The following MSRA variants were observed in gnomAD, a reference collection of about 807,000 sequenced individuals.
The protein encoded by MSRA is mitochondrial peptide methionine sulfoxide reductase.
MSRA carries 54 observed loss-of-function variants against 31.3 expected under a neutral mutation model. That is an observed-to-expected ratio of 1.73 (90% CI 1.39 to 2.17). The LOEUF (loss-of-function observed/expected upper bound fraction) is 2.17. MSRA is among the 30% of genes most tolerant of loss of function. The probability of loss-of-function intolerance (pLI) is 0.00; values close to 1 mark genes in which losing one functional copy is unlikely to be tolerated. For missense variants in MSRA, 507 were observed against 300.9 expected, an observed-to-expected ratio of 1.69 and a Z score of -5.07; for synonymous variants, 169 against 116.5, an observed-to-expected ratio of 1.45 and a Z score of -2.90.
At chr8:10,099,542 G>A (rs895638517) in intron 1 of MSRA, among the ~76,000 whole-genome samples, 5 of 152,174 alleles carry the variant, frequency 3.3e-5, no homozygotes, top group South Asian at 2.1e-4. Flanking sequence ...GGTACACAAT[G>A]GCCACTTAAT....
intron 5 of MSRA, among the ~76,000 whole-genome samples, chr8:10,342,142 T>C (rs1453921349): frequency 1.3e-5 from 2 of 152,196 alleles, no homozygotes; most frequent in African/African-American, 4.8e-5. Context: ...CATTCTTAAG[T>C]TCTGTTCTTC....
chr8:10,362,952 A>C (rs924823228), intron 5 of MSRA, among the ~76,000 whole-genome samples: 2 of 152,128 alleles, frequency 1.3e-5, no homozygotes, highest in African/African-American at 4.8e-5. Flanking sequence ...CAACAGAAGG[A>C]CGTGCTGTTT....
At chr8:10,240,410 A>C (rs1232566839) in intron 2 of MSRA, among the ~76,000 whole-genome samples, 6 of 152,166 alleles carry the variant, frequency 3.9e-5, no homozygotes, top group African/African-American at 1.4e-4. Context: ...CGCAGGTACT[A>C]GGGTAGCCAG....
intron 5 of MSRA, among the ~76,000 whole-genome samples, chr8:10,425,683 G>A (rs1044554653): frequency 6.6e-6 from 1 of 152,226 alleles, no homozygotes; most frequent in Admixed American, 6.5e-5. Context: ...GGCCGGGAGC[G>A]AGGCCCGTCT....
At chr8:10,149,780 G>A (rs1803498825) in intron 1 of MSRA, among the ~76,000 whole-genome samples, 1 of 37,296 alleles carries the variant, frequency 2.7e-5, no homozygotes, top group African/African-American at 7.4e-5. Flanking sequence ...AACCACAAAG[G>A]TGGTATGGAA....
intron 4 of MSRA, among the ~76,000 whole-genome samples, chr8:10,311,416 G>C (rs1418048324): frequency 2.0e-5 from 3 of 152,082 alleles, no homozygotes; most frequent in African/African-American, 7.2e-5. Flanking sequence ...TAGAGGGAGT[G>C]ACCGACACAA....
chr8:10,198,949 G>A (rs1279690527), intron 1 of MSRA, among the ~76,000 whole-genome samples: 1 of 152,164 alleles, frequency 6.6e-6, no homozygotes, highest in South Asian at 2.1e-4. Flanking sequence ...CTGAAGCCTG[G>A]TCAGTGCTCG....
At chr8:10,268,252 T>C (rs977453060) in intron 3 of MSRA, among the ~76,000 whole-genome samples, 1 of 152,216 alleles carries the variant, frequency 6.6e-6, no homozygotes, top group African/African-American at 2.4e-5. Flanking sequence ...TTATTCACTT[T>C]TAAACAAAAT....
At chr8:10,137,912 G>A (rs1460347602) in intron 1 of MSRA, among the ~76,000 whole-genome samples, 7 of 152,194 alleles carry the variant, frequency 4.6e-5, no homozygotes, top group Admixed American at 1.3e-4. Flanking sequence ...AGAAGAGACC[G>A]CAAAGGCATT....
intron 1 of MSRA, among the ~76,000 whole-genome samples, chr8:10,129,193 T>C (rs928784693): frequency 2.0e-5 from 3 of 152,148 alleles, no homozygotes; most frequent in Non-Finnish European, 4.4e-5. Context: ...GAGTTTGCTG[T>C]AGGTTCTTTG....
intron 1 of MSRA, among the ~76,000 whole-genome samples, chr8:10,112,274 A>C (rs2129013876): frequency 6.6e-6 from 1 of 152,330 alleles, no homozygotes; most frequent in Non-Finnish European, 1.5e-5. Flanking sequence ...AAAGAGACTG[A>C]CCATCTTGAT....
chr8:10,189,727 G>A (rs543588708), intron 1 of MSRA, among the ~76,000 whole-genome samples: 8 of 152,154 alleles, frequency 5.3e-5, no homozygotes, highest in African/African-American at 1.9e-4. Flanking sequence ...ATATATTCCT[G>A]AATTCAGTAT....
intron 2 of MSRA, among the ~76,000 whole-genome samples, chr8:10,212,630 G>C (rs1809603967): frequency 1.3e-5 from 2 of 152,198 alleles, no homozygotes; most frequent in Non-Finnish European, 2.9e-5. Context: ...TTCAATAAGA[G>C]TGAGGGAATT....
intron 1 of MSRA, among the ~76,000 whole-genome samples, chr8:10,123,200 CT>C (rs2129019099): frequency 6.6e-6 from 1 of 152,282 alleles, no homozygotes; most frequent in East Asian, 1.9e-4. Flanking sequence ...TATGTTTTGA[CT>C]TTTTAGTAAT....
intron 1 of MSRA, among the ~76,000 whole-genome samples, chr8:10,097,317 CT>C (rs1401454356): frequency 6.6e-6 from 1 of 152,022 alleles, no homozygotes; most frequent in Non-Finnish European, 1.5e-5. Context: ...AAATGACAAC[CT>C]TTGTTTAATA....
chr8:10,425,858 T>C (rs1809125902), intron 5 of MSRA, among the ~76,000 whole-genome samples: 1 of 152,232 alleles, frequency 6.6e-6, no homozygotes, highest in African/African-American at 2.4e-5. Context: ...TGGATACAGC[T>C]GTAAGAGATG....
intron 1 of MSRA, among the ~76,000 whole-genome samples, chr8:10,192,235 G>A (rs1439506854): frequency 2.0e-5 from 3 of 152,186 alleles, no homozygotes; most frequent in Non-Finnish European, 4.4e-5. Flanking sequence ...ACTAAGTTCG[G>A]CCTACACTCA....
intron 5 of MSRA, among the ~76,000 whole-genome samples, chr8:10,396,042 C>T (rs1221712408): frequency 6.6e-6 from 1 of 152,148 alleles, no homozygotes; most frequent in Non-Finnish European, 1.5e-5. Context: ...TAAGGCAGCT[C>T]CCTCCCTTCT....
At chr8:10,320,265 C>T (rs952761995) in intron 5 of MSRA, 5 of 235,218 alleles carry the variant, frequency 2.1e-5, no homozygotes, top group African/African-American at 6.8e-5. Flanking sequence ...GCCAGGAGTT[C>T]GAGACCAGCC....
Sources: allele counts gnomAD v4.1 joint callset (sites outside exome capture counted in the v4.1 genomes callset), GRCh38; gene constraint gnomAD v4.1.1; transcripts MANE v1.5; gene names NCBI Gene and HGNC (gene_info 2026-07-23, HGNC 2026-07-21).